The following AXIN1 variants were observed in gnomAD, a reference collection of about 807,000 sequenced individuals.
AXIN1 encodes axin 1.
In AXIN1, 30 loss-of-function variants were observed where a neutral mutation model predicts 76.4. That is an observed-to-expected ratio of 0.39 (90% CI 0.29 to 0.53). The LOEUF (loss-of-function observed/expected upper bound fraction) is 0.53. Ranked by LOEUF, AXIN1 falls within the 20% of genes least tolerant of loss-of-function variation. AXIN1 has a pLI of 0.66. For synonymous variants in AXIN1, 545 were observed against 501.4 expected (o/e 1.09, Z -1.16); for missense variants, 1,140 against 1,198.8 (o/e 0.95, Z 0.72).
chr16:322,762 G>A lies in AXIN1; in HGVS notation c.879-8079C>T, dbSNP rs970782691. On this transcript the variant is annotated intron_variant, in intron 2 of 10. Coordinates refer to ENST00000262320, the MANE Select transcript of AXIN1 (RefSeq NM_003502.4). ...TTTTCTGGAGCTGTGGGCGGTGGAC[G>A]GATGAGTGCATCCTTTAGAGCCCAG... Among the ~76,000 whole-genome samples, 7 of 152,312 alleles carry A rather than the reference G, an allele frequency of 4.6e-5. No homozygotes were observed. The East Asian group carries it at 5.8e-4, about 13-fold the overall frequency.
At chr16:335,384 T>C (rs373068378) in intron 2 of AXIN1, among the ~76,000 whole-genome samples, 336 of 151,236 alleles carry the variant, frequency 2.2e-3, no homozygotes, top group African/African-American at 7.9e-3. Flanking sequence ...ATGCCAATAA[T>C]GCAGCACCCA....
In AXIN1 at chr16:346,589, C is replaced by T. The variant is rs2141704939; in HGVS notation, c.437G>A (p.Arg146Gln). 1 of 1,608,588 alleles carries T rather than the reference C, an allele frequency of 6.2e-7. No individual in the cohort carries two copies. The highest frequency in any genetic ancestry group is 8.5e-7 in the Non-Finnish European group (1 of 1,176,162). Residue 146 changes from arginine to glutamine, a missense_variant, in exon 2 of 11, where the codon CGA becomes CAA. Coordinates refer to ENST00000262320, the MANE Select transcript of AXIN1 (RefSeq NM_003502.4). ...KRLKLARAIY[R>Q]KYILDNNGIV... ...GCCATTGTTATCAAGAATGTACTTT[C>T]GGTAGATGGCTCTCGCCAGCTTCAG...
At chr16:308,701 C>T (rs2053092637) in intron 4 of AXIN1, among the ~76,000 whole-genome samples, 2 of 152,190 alleles carry the variant, frequency 1.3e-5, no homozygotes, top group Admixed American at 6.5e-5. Flanking sequence ...TTGGGCCATG[C>T]CTGGCAGGCA....
chr16:298,379 T>C, intron 5 of AXIN1, 128 bp from the exon 6 acceptor site: 2 of 1,142,122 alleles, frequency 1.8e-6, no homozygotes, highest in Non-Finnish European at 1.3e-6. Flanking sequence ...CGGGGGCCCC[T>C]CGCCACCGGT....
At chr16:334,931 T>C (rs1410536214) in intron 2 of AXIN1, among the ~76,000 whole-genome samples, 1 of 152,046 alleles carries the variant, frequency 6.6e-6, no homozygotes, top group Non-Finnish European at 1.5e-5. Context: ...GAGGCAGAAA[T>C]AGAAAATCTT....
chr16:288,253 A>G lies in AXIN1; in HGVS notation c.2463-5T>C, dbSNP rs2141460554. On this transcript the variant is annotated splice_region_variant and splice_polypyrimidine_tract_variant and intron_variant, in intron 10 of 10. Transcript: ENST00000262320. The stretch of plus-strand genomic sequence containing the variant: ...CTCACTTTCTTGAAGTAGTATCTGC[A>G]GGACGGAGGTGAGGAGGGCAGTGAG... The G allele has an allele frequency of 6.2e-7, 1 of 1,613,536 alleles. No homozygotes were observed. The highest frequency in any genetic ancestry group is 8.5e-7 in the Non-Finnish European group (1 of 1,179,994).
chr16:306,392 T>A (rs2053026303), intron 4 of AXIN1, among the ~76,000 whole-genome samples: 1 of 152,194 alleles, frequency 6.6e-6, no homozygotes, highest in Non-Finnish European at 1.5e-5. Flanking sequence ...AGGCCGCCAG[T>A]GTCTAAGCCG....
intron 2 of AXIN1, among the ~76,000 whole-genome samples, chr16:331,959 T>G (rs1567296810): frequency 6.6e-6 from 1 of 152,158 alleles, no homozygotes; most frequent in East Asian, 1.9e-4. Context: ...CCACGGTGAC[T>G]AAGGGCCCGA....
Position 320,737 on chromosome 16 carries a change from A to ATTTTT in AXIN1, c.879-6055_879-6054insAAAAA, listed in dbSNP as rs201303569. Among the ~76,000 whole-genome samples, 166 of 89,428 alleles carry ATTTTT rather than the reference A, an allele frequency of 1.9e-3. 1 individual carries two copies. Among genetic ancestry groups the ATTTTT allele is most frequent in the Middle Eastern group, 5.1e-3 (1 of 196 alleles). 58.7% of individuals were successfully genotyped at this position (89,428 alleles called of 152,430 possible). ...TGCGTGTGTGTGTATATATATATAT[A>ATTTTT]TATATATTTTTTTTTTTTTTGAGAC... On this transcript the variant is annotated intron_variant, in intron 2 of 10. Transcript: ENST00000262320.
intron 3 of AXIN1, among the ~76,000 whole-genome samples, chr16:310,793 C>A (rs1169214547): frequency 6.6e-6 from 1 of 152,266 alleles, no homozygotes; most frequent in Non-Finnish European, 1.5e-5. Flanking sequence ...CAGCCCTGCA[C>A]GGGAAACGTT....
intron 2 of AXIN1, among the ~76,000 whole-genome samples, chr16:325,855 C>T (rs2053569288): frequency 6.6e-6 from 1 of 152,188 alleles, no homozygotes; most frequent in Non-Finnish European, 1.5e-5. Context: ...ACAAGCATTT[C>T]CTCACCTCAC....
chr16:288,170 C>T lies in AXIN1; in HGVS notation c.2541G>A (p.Leu847=), dbSNP rs1476539634. ...FEEVREDEAV[L]PVFEEKIIGK... ...CGATGATCTTCTCCTCAAAGACGGG[C>T]AGGACGGCCTCGTCCTCTCGAACCT... The change falls in exon 11 of 11, where the codon CTG becomes CTA. Residue 847 remains leucine, a synonymous_variant. Coordinates refer to ENST00000262320, the MANE Select transcript of AXIN1 (RefSeq NM_003502.4). The T allele has an allele frequency of 1.2e-6, 2 of 1,613,676 alleles. No homozygotes were observed. Among genetic ancestry groups the T allele is most frequent in the Non-Finnish European group, 1.7e-6 (2 of 1,180,016 alleles).
At position 336,128 on chromosome 16, in the gene AXIN1, G is replaced by A. The variant is rs1017802025; in HGVS notation, c.878+10020C>T. 4.6e-5 allele frequency among the ~76,000 whole-genome samples: 7 copies of A among 152,124 alleles called. 1 individual carries two copies. The highest frequency in any genetic ancestry group is 4.1e-4 in the South Asian group (2 of 4,824). ...TGCACGCCTGTAATCCCAGCTACTC[G>A]GGAGGCCGAGGCAGAAGAATTTCTT... On this transcript the variant is annotated intron_variant, in intron 2 of 10. Coordinates refer to ENST00000262320, the MANE Select transcript of AXIN1 (RefSeq NM_003502.4).
chr16:302,388 C>T (rs1012067589), intron 5 of AXIN1, among the ~76,000 whole-genome samples: 6 of 152,258 alleles, frequency 3.9e-5, no homozygotes, highest in African/African-American at 1.4e-4. Context: ...TGCAGCTCCA[C>T]ATGGTGGCAA....
intron 2 of AXIN1, among the ~76,000 whole-genome samples, chr16:315,317 G>A (rs1006150777): frequency 1.3e-5 from 2 of 152,284 alleles, no homozygotes; most frequent in African/African-American, 4.8e-5. Context: ...GCAGTTTAGC[G>A]TATTTGTCAT....
chr16:347,898 A>AT (rs1202136165), intron 1 of AXIN1, among the ~76,000 whole-genome samples: 3 of 152,238 alleles, frequency 2.0e-5, no homozygotes, highest in African/African-American at 7.2e-5. Context: ...TCTGATGAGG[A>AT]TTCAGATAGC....
intron 2 of AXIN1, among the ~76,000 whole-genome samples, chr16:329,581 G>A (rs1214624742): frequency 1.3e-5 from 2 of 151,884 alleles, no homozygotes; most frequent in Non-Finnish European, 2.9e-5. Context: ...GAGTAGATGG[G>A]ATTACAGGCG....
At chr16:348,472 T>C (rs1009182811) in intron 1 of AXIN1, among the ~76,000 whole-genome samples, 7 of 152,198 alleles carry the variant, frequency 4.6e-5, no homozygotes, top group African/African-American at 1.4e-4. Flanking sequence ...GCACACACTT[T>C]ACCAGCCAAC....
intron 3 of AXIN1, among the ~76,000 whole-genome samples, chr16:312,031 A>G (rs1777976800): frequency 6.6e-6 from 1 of 152,226 alleles, no homozygotes; most frequent in African/African-American, 2.4e-5. Flanking sequence ...AAGTGAATCT[A>G]AAACTCACCT....
Sources: gnomAD v4.1 joint callset for allele counts (sites outside exome capture counted in the v4.1 genomes callset) on GRCh38, gnomAD v4.1.1 for gene constraint, MANE v1.5 for transcripts, NCBI Gene and HGNC (gene_info 2026-07-23, HGNC 2026-07-21) for gene names.